Variants in ROBO1 observed in about 807,000 individuals in gnomAD.
ROBO1 encodes roundabout homolog 1.
In ROBO1, 149 loss-of-function variants were observed where a neutral mutation model predicts 195.9. The observed-to-expected ratio is 0.76, with a 90% CI of 0.67 to 0.87. The LOEUF is 0.87. Among genes scored for constraint, ROBO1 ranks in the 40% least tolerant of loss-of-function variants. ROBO1 has a pLI of 0.00. For missense variants in ROBO1, 1,933 were observed against 2,068.3 expected, an observed-to-expected ratio of 0.93 and a Z score of 1.27; for synonymous variants, 816 against 733.2, an observed-to-expected ratio of 1.11 and a Z score of -1.82.
At chr3:78,645,924 C>T (rs562822012) in intron 21 of ROBO1, among the ~76,000 whole-genome samples, 2 of 152,014 alleles carry the variant, frequency 1.3e-5, no homozygotes, top group African/African-American at 4.8e-5. Flanking sequence ...CAGTTAAAGT[C>T]CTCCCTCTAG....
At chr3:79,226,529 A>T (rs753093005) in intron 2 of ROBO1, among the ~76,000 whole-genome samples, 4 of 144,370 alleles carry the variant, frequency 2.8e-5, no homozygotes, top group African/African-American at 2.6e-5. Flanking sequence ...CTTTCATTTC[A>T]TTTTTCTTTC....
At chr3:78,928,356 G>C (rs150802644) in intron 4 of ROBO1, among the ~76,000 whole-genome samples, 1 of 152,200 alleles carries the variant, frequency 6.6e-6, no homozygotes, top group African/African-American at 2.4e-5. Context: ...TCTGAGGGAG[G>C]CTTTAAGAAT....
chr3:78,948,075 GTC>G (rs2040555494), intron 3 of ROBO1, among the ~76,000 whole-genome samples: 1 of 152,090 alleles, frequency 6.6e-6, no homozygotes, highest in African/African-American at 2.4e-5. Flanking sequence ...TGGATTCACA[GTC>G]GAATTCTACC....
At chr3:79,097,631 T>C (rs950845492) in intron 3 of ROBO1, among the ~76,000 whole-genome samples, 4 of 151,786 alleles carry the variant, frequency 2.6e-5, no homozygotes, top group African/African-American at 9.7e-5. Flanking sequence ...AGCACATTAA[T>C]CCACTAAGAA....
intron 3 of ROBO1, among the ~76,000 whole-genome samples, chr3:79,036,522 T>C (rs1303779603): frequency 6.6e-6 from 1 of 152,190 alleles, no homozygotes; most frequent in Non-Finnish European, 1.5e-5. Context: ...GGAATCTTTA[T>C]GTAGATGGTC....
At chr3:79,594,928 A>C (rs545972211) in intron 1 of ROBO1, among the ~76,000 whole-genome samples, 1 of 152,096 alleles carries the variant, frequency 6.6e-6, no homozygotes, top group African/African-American at 2.4e-5. Context: ...AGAGGCTTGG[A>C]TTATTTTAAT....
At chr3:78,802,840 AG>A (rs1054662970) in intron 4 of ROBO1, among the ~76,000 whole-genome samples, 2 of 152,102 alleles carry the variant, frequency 1.3e-5, no homozygotes, top group Non-Finnish European at 2.9e-5. Context: ...TGTCTCTATA[AG>A]TAGAGAGATC....
chr3:79,428,447 A>C (rs935896615), intron 2 of ROBO1, among the ~76,000 whole-genome samples: 6 of 152,170 alleles, frequency 3.9e-5, no homozygotes, highest in South Asian at 2.1e-4. Flanking sequence ...ATTCTCAACA[A>C]TATAGTTATC....
rs988215493 is a variant in ROBO1 at position 79,626,391 on chromosome 3, C to T, written c.-50-36430G>A. ...GGTGGAGCTTGCAGTGAGCCACGAT[C>T]GTGCCATTGCACTCCAGCCTAGTAA... On this transcript the variant is annotated intron_variant, in intron 1 of 30. Coordinates refer to ENST00000464233, the MANE Select transcript of ROBO1 (RefSeq NM_002941.4). 7.9e-5 allele frequency among the ~76,000 whole-genome samples: 12 copies of T among 152,104 alleles called. No individual in the cohort carries two copies. The East Asian group carries it at 2.3e-3, about 29-fold the overall frequency.
At chr3:79,605,056 C>T (rs557870816) in intron 1 of ROBO1, among the ~76,000 whole-genome samples, 10 of 152,024 alleles carry the variant, frequency 6.6e-5, no homozygotes, top group Non-Finnish European at 4.4e-5. Flanking sequence ...CTTTTGCTCC[C>T]ATAACTGCAC....
chr3:79,060,468 T>C (rs957041236), intron 3 of ROBO1, among the ~76,000 whole-genome samples: 15 of 152,002 alleles, frequency 9.9e-5, no homozygotes, highest in African/African-American at 3.6e-4. Flanking sequence ...ACATGTGATG[T>C]CATCCCCGGA....
intron 1 of ROBO1, among the ~76,000 whole-genome samples, chr3:79,618,767 G>A (rs1378919441): frequency 1.3e-5 from 2 of 152,090 alleles, no homozygotes; most frequent in Admixed American, 6.6e-5. Context: ...CTACGACCTC[G>A]GGTCCACAGA....
At chr3:79,090,626 T>C (rs1036822981) in intron 3 of ROBO1, among the ~76,000 whole-genome samples, 1 of 152,300 alleles carries the variant, frequency 6.6e-6, no homozygotes, top group African/African-American at 2.4e-5. Flanking sequence ...ATCTTGGTTC[T>C]ATCACTTGTT....
intron 2 of ROBO1, among the ~76,000 whole-genome samples, chr3:79,581,290 T>C (rs1943653661): frequency 6.6e-6 from 1 of 152,128 alleles, no homozygotes; most frequent in Non-Finnish European, 1.5e-5. Context: ...TACCCGTCCA[T>C]ATGAGGCACT....
intron 1 of ROBO1, among the ~76,000 whole-genome samples, chr3:79,651,975 A>G (rs1946022773): frequency 6.6e-6 from 1 of 152,154 alleles, no homozygotes; most frequent in Non-Finnish European, 1.5e-5. Context: ...CCAAATATTT[A>G]TAGATAGCAA....
At chr3:78,898,333 A>G (rs973538179) in intron 4 of ROBO1, among the ~76,000 whole-genome samples, 1 of 148,900 alleles carries the variant, frequency 6.7e-6, no homozygotes, top group Non-Finnish European at 1.5e-5. Flanking sequence ...CTATATATAT[A>G]GAGAGAGAGA....
chr3:79,570,194 A>G (rs902141568), intron 2 of ROBO1, among the ~76,000 whole-genome samples: 1 of 151,980 alleles, frequency 6.6e-6, no homozygotes, highest in Non-Finnish European at 1.5e-5. Context: ...ACAATTTCCT[A>G]TTACCTCTAG....
At chr3:79,597,443 T>G (rs888790621) in intron 1 of ROBO1, among the ~76,000 whole-genome samples, 1 of 152,000 alleles carries the variant, frequency 6.6e-6, no homozygotes, top group Non-Finnish European at 1.5e-5. Flanking sequence ...GGCATACACA[T>G]AAAAATAGAG....
At chr3:79,482,851 G>A (rs910482149) in intron 2 of ROBO1, among the ~76,000 whole-genome samples, 6 of 152,074 alleles carry the variant, frequency 3.9e-5, no homozygotes, top group African/African-American at 1.4e-4. Context: ...AGGAAATAGC[G>A]TTTGACCAGT....
Sources: gnomAD v4.1 joint callset for allele counts (sites outside exome capture counted in the v4.1 genomes callset) on GRCh38, gnomAD v4.1.1 for gene constraint, MANE v1.5 for transcripts, NCBI Gene and HGNC (gene_info 2026-07-23, HGNC 2026-07-21) for gene names.